Variants in LRCH1 observed in about 807,000 individuals in gnomAD.
LRCH1 encodes the protein leucine rich repeats and calponin homology domain containing 1.
In LRCH1, 23 loss-of-function variants were observed where a neutral mutation model predicts 94.9. That is an observed-to-expected ratio of 0.24 (90% confidence interval 0.17 to 0.34). The LOEUF (loss-of-function observed/expected upper bound fraction) is 0.34, where lower values mean the gene tolerates loss of function less well. LRCH1 is among the 10% of genes least tolerant of loss of function. LRCH1 has a pLI of 1.00. For missense variants in LRCH1, 790 were observed against 945.9 expected (o/e 0.84, Z 2.16); for synonymous variants, 364 against 354.9 (o/e 1.03, Z -0.29).
At chr13:46,649,298 C>G (rs925584934) in intron 1 of LRCH1, among the ~76,000 whole-genome samples, 1 of 152,098 alleles carries the variant, frequency 6.6e-6, no homozygotes, top group South Asian at 2.1e-4. Flanking sequence ...GAGGTTATCT[C>G]TTATTGTTGA....
intron 1 of LRCH1, among the ~76,000 whole-genome samples, chr13:46,565,656 C>T (rs889322047): frequency 1.3e-5 from 2 of 151,590 alleles, no homozygotes; most frequent in Non-Finnish European, 2.9e-5. Flanking sequence ...ACTAAAAATA[C>T]AAAAATTAGC....
At chr13:46,713,741 C>T (rs1872185875) in intron 15 of LRCH1, among the ~76,000 whole-genome samples, 1 of 152,190 alleles carries the variant, frequency 6.6e-6, no homozygotes, top group Non-Finnish European at 1.5e-5. Context: ...GGCTGAGGCC[C>T]TTGGCTGGGT....
Position 46,685,957 on chromosome 13 carries a change from C to T in LRCH1, c.738C>T (p.Leu246=), listed in dbSNP as rs748953306. 10 of 1,610,228 alleles carry T rather than the reference C, an allele frequency of 6.2e-6. No homozygotes were observed. Among genetic ancestry groups the T allele is most frequent in the Admixed American group, 1.7e-5 (1 of 59,452 alleles). The change falls in exon 5 of 20, where the codon CTC becomes CTT. Residue 246 remains leucine (L), a synonymous_variant. Transcript: ENST00000389797. The part of the protein sequence containing the change: ...VKFDFSCNKV[L]VIPICFREMK... Reference sequence around the variant, plus strand: ...TTGACTTTTCCTGCAACAAAGTGCTCGTGATTCCAATTTGTTTTAGAGAGA... The same window carrying T: ...TTGACTTTTCCTGCAACAAAGTGCTTGTGATTCCAATTTGTTTTAGAGAGA...
intron 9 of LRCH1, among the ~76,000 whole-genome samples, chr13:46,697,833 T>C (rs1331246538): frequency 2.6e-5 from 4 of 152,110 alleles, no homozygotes; most frequent in African/African-American, 9.7e-5. Context: ...TGTAAAACCA[T>C]TTAGCTTAGC....
intron 2 of LRCH1, among the ~76,000 whole-genome samples, chr13:46,657,610 G>A (rs887359182): frequency 1.3e-4 from 16 of 121,514 alleles, no homozygotes; most frequent in Non-Finnish European, 2.1e-4. Flanking sequence ...CTGCAGCCTC[G>A]ACCTCCCTGG....
intron 2 of LRCH1, among the ~76,000 whole-genome samples, chr13:46,653,330 A>T (rs868754425): frequency 1.3e-5 from 2 of 152,160 alleles, no homozygotes; most frequent in East Asian, 3.8e-4. Context: ...CTATTCTCCC[A>T]TACTGAATCA....
At chr13:46,711,758 G>C (rs762135475) in intron 13 of LRCH1, 33 bp from the exon 14 acceptor site, 2 of 1,572,936 alleles carry the variant, frequency 1.3e-6, no homozygotes, top group East Asian at 4.5e-5. Flanking sequence ...ACAGTCTAAT[G>C]GAACATACCA....
exon 19 of LRCH1, chr13:46,750,732 C>G (rs1874093517): frequency 4.5e-6 from 4 of 881,216 alleles, no homozygotes; most frequent in Non-Finnish European, 7.1e-6. Flanking sequence ...GTTCAACCCT[C>G]TCTCCCACCC....
chr13:46,573,868 T>TATATATATA (rs1374087114), intron 1 of LRCH1, among the ~76,000 whole-genome samples: 1 of 40,468 alleles, frequency 2.5e-5, no homozygotes, highest in African/African-American at 8.7e-5. Flanking sequence ...ATATATATAT[T>TATATATATA]TTTTTTTTTT....
downstream of LRCH1, among the ~76,000 whole-genome samples, chr13:46,748,167 C>T (rs1873985219): frequency 6.6e-6 from 1 of 151,874 alleles, no homozygotes; most frequent in African/African-American, 2.4e-5. Context: ...TGCTCTTTTC[C>T]TTTGTGACTT....
chr13:46,652,321 C>A (rs2051316685), intron 2 of LRCH1, among the ~76,000 whole-genome samples: 1 of 152,034 alleles, frequency 6.6e-6, no homozygotes, highest in Non-Finnish European at 1.5e-5. Flanking sequence ...CGTGGTCCAC[C>A]CGCCTCGGCC....
At chr13:46,668,278 T>A (rs2051547759) in intron 2 of LRCH1, among the ~76,000 whole-genome samples, 1 of 152,136 alleles carries the variant, frequency 6.6e-6, no homozygotes, top group Non-Finnish European at 1.5e-5. Flanking sequence ...TTCAGAAACT[T>A]CTGGGTAGAG....
chr13:46,718,262 T>C (rs1425369955), intron 16 of LRCH1, among the ~76,000 whole-genome samples: 1 of 152,230 alleles, frequency 6.6e-6, no homozygotes, highest in Non-Finnish European at 1.5e-5. Flanking sequence ...CCAGTTTACA[T>C]TAGTCTCTGA....
chr13:46,660,874 C>T (rs1430550405), intron 2 of LRCH1, among the ~76,000 whole-genome samples: 1 of 152,178 alleles, frequency 6.6e-6, no homozygotes, highest in East Asian at 1.9e-4. Context: ...TCTTAGATGT[C>T]CTAGTGACCC....
chr13:46,697,174 G>T (rs574853181), intron 9 of LRCH1, among the ~76,000 whole-genome samples: 1 of 152,264 alleles, frequency 6.6e-6, no homozygotes, highest in Non-Finnish European at 1.5e-5. Flanking sequence ...CAGTTATGTT[G>T]TGTGACATCA....
chr13:46,737,675 A>G (rs773796974), intron 19 of LRCH1, among the ~76,000 whole-genome samples: 7 of 152,032 alleles, frequency 4.6e-5, no homozygotes, highest in Non-Finnish European at 1.0e-4. Context: ...TAAGAATCTG[A>G]CTCCAATTAG....
intron 2 of LRCH1, among the ~76,000 whole-genome samples, chr13:46,657,716 A>T (rs2051394898): frequency 5.5e-5 from 1 of 18,282 alleles, no homozygotes; most frequent in African/African-American, 1.6e-4. Context: ...TTTGGTAGAG[A>T]TGGAATTTTG....
chr13:46,553,661 A>G lies in LRCH1; in HGVS notation c.265A>G (p.Thr89Ala), dbSNP rs140805489. The G allele has an allele frequency of 1.0e-4, 168 of 1,609,320 alleles. No individual in the cohort carries two copies. The African/African-American group carries it at 1.7e-3, about 17-fold the overall frequency. Residue 89 changes from threonine (T) to alanine (A), a missense_variant, in exon 1 of 20, where the codon ACC (threonine) becomes GCC (alanine). Thr to Ala is a moderately conservative substitution (Grantham distance 58). This residue lies in a region of LRCH1 where 136 missense variants were observed against 143.5 expected (regional missense o/e 0.95). Coordinates refer to ENST00000389797, the MANE Select transcript of LRCH1 (RefSeq NM_001164211.2). ...SARKLKEFPR[T>A]AAPGHDLSDT... ...CAGGAAATTGAAGGAATTTCCCCGT[A>G]CCGCAGCCCCCGGGCACGACCTCTC...
At chr13:46,694,237 C>G (rs545575124) in intron 8 of LRCH1, among the ~76,000 whole-genome samples, 4 of 152,042 alleles carry the variant, frequency 2.6e-5, no homozygotes, top group African/African-American at 4.8e-5. Context: ...AAAGGGTGGC[C>G]CAGTATGGTT....
Sources: gnomAD v4.1 joint callset for allele counts (sites outside exome capture counted in the v4.1 genomes callset) on GRCh38, gnomAD v4.1.1 for gene constraint, gnomAD v4.1.1 regional missense constraint, MANE v1.5 for transcripts, NCBI Gene and HGNC (gene_info 2026-07-23, HGNC 2026-07-21) for gene names.